FMN1: variants seen among roughly 807,000 people sequenced by gnomAD.
The protein encoded by FMN1 is formin-1.
A neutral mutation model predicts 132.4 loss-of-function variants in FMN1; 110 were observed. The observed-to-expected ratio is 0.83, with a 90% CI of 0.71 to 0.97. FMN1 has a LOEUF of 0.97. Ranked by LOEUF, FMN1 falls within the 50% of genes least tolerant of loss-of-function variation. The probability of loss-of-function intolerance (pLI) is 0.00; values close to 1 mark genes in which losing one functional copy is unlikely to be tolerated. For missense variants in FMN1, 1,792 were observed against 1,705.3 expected (o/e 1.05, Z -0.90); for synonymous variants, 722 against 651.7 (o/e 1.11, Z -1.64).
At chr15:33,179,453 G>A (rs1272941331) in intron 3 of FMN1, among the ~76,000 whole-genome samples, 6 of 152,110 alleles carry the variant, frequency 3.9e-5, no homozygotes, top group African/African-American at 1.4e-4. Flanking sequence ...GACTCAATCT[G>A]GGGGTACCTT....
At chr15:32,953,867 A>G (rs2140515594) in intron 9 of FMN1, among the ~76,000 whole-genome samples, 1 of 152,328 alleles carries the variant, frequency 6.6e-6, no homozygotes. Context: ...TTTGCAGTAT[A>G]TCCCATGCCG....
At chr15:32,961,835 C>A (rs2030591464) in intron 9 of FMN1, among the ~76,000 whole-genome samples, 1 of 152,180 alleles carries the variant, frequency 6.6e-6, no homozygotes, top group Non-Finnish European at 1.5e-5. Flanking sequence ...CAATGTGTGG[C>A]AGAGGTGTGA....
chr15:33,027,426 AG>A (rs888528916), intron 6 of FMN1, among the ~76,000 whole-genome samples: 4 of 152,236 alleles, frequency 2.6e-5, no homozygotes, highest in Non-Finnish European at 5.9e-5. Context: ...TGGCAACTCT[AG>A]GAACTCTTAA....
At chr15:32,886,846 G>A (rs562535532) in intron 16 of FMN1, among the ~76,000 whole-genome samples, 2 of 152,018 alleles carry the variant, frequency 1.3e-5, no homozygotes, top group East Asian at 3.9e-4. Context: ...AGCTTACTAC[G>A]CTTTATTACA....
At chr15:32,827,359 A>ATCACTT (rs1474774897) in intron 17 of FMN1, among the ~76,000 whole-genome samples, 1 of 152,192 alleles carries the variant, frequency 6.6e-6, no homozygotes, top group Non-Finnish European at 1.5e-5. Flanking sequence ...TTACATTCCC[A>ATCACTT]TCACTTTCAC....
At chr15:32,825,999 CAAT>C (rs565982563) in intron 17 of FMN1, among the ~76,000 whole-genome samples, 20 of 152,312 alleles carry the variant, frequency 1.3e-4, no homozygotes, top group Middle Eastern at 3.4e-3. Context: ...GGTCAAACAA[CAAT>C]GACACTGGTA....
intron 3 of FMN1, among the ~76,000 whole-genome samples, chr15:33,173,064 A>C (rs554501565): frequency 6.6e-6 from 1 of 151,836 alleles, no homozygotes; most frequent in South Asian, 2.1e-4. Context: ...AGAACCTCAT[A>C]ATAAAGTTGT....
At chr15:32,798,214 A>ACCCC (rs1391114692) in intron 19 of FMN1, among the ~76,000 whole-genome samples, 1 of 144,726 alleles carries the variant, frequency 6.9e-6, no homozygotes, top group African/African-American at 2.7e-5. Flanking sequence ...ACACACACAC[A>ACCCC]CACCCCGTCT....
At chr15:33,084,554 T>G (rs2038615008) in intron 5 of FMN1, among the ~76,000 whole-genome samples, 1 of 152,140 alleles carries the variant, frequency 6.6e-6, no homozygotes, top group South Asian at 2.1e-4. Flanking sequence ...TACAGGCAAT[T>G]GGGGAATTGC....
chr15:32,986,451 T>C (rs1311480892), intron 7 of FMN1, among the ~76,000 whole-genome samples: 1 of 152,174 alleles, frequency 6.6e-6, no homozygotes, highest in Admixed American at 6.6e-5. Flanking sequence ...TTTATTTGAA[T>C]TCACAAAGAT....
intron 9 of FMN1, among the ~76,000 whole-genome samples, chr15:32,928,113 C>G (rs1470480867): frequency 6.6e-6 from 1 of 151,950 alleles, no homozygotes; most frequent in African/African-American, 2.4e-5. Context: ...TTTACCTGTT[C>G]AGAATGGCTA....
intron 19 of FMN1, among the ~76,000 whole-genome samples, chr15:32,788,933 A>G (rs1195275954): frequency 6.6e-6 from 1 of 152,198 alleles, no homozygotes; most frequent in African/African-American, 2.4e-5. Context: ...CTCTTTAACA[A>G]AGCTATTAAG....
rs201609721 is a variant in FMN1 at position 33,066,998 on chromosome 15, G to A, written c.2044-1924C>T. 4.6e-5 allele frequency: 74 copies of A among 1,613,940 alleles called. No homozygotes were observed. Among genetic ancestry groups the A allele is most frequent in the Middle Eastern group, 3.3e-4 (2 of 6,062 alleles). On this transcript the variant is annotated intron_variant, in intron 5 of 20. Transcript: ENST00000616417. ...GTCCCCATCCTTTGGTTTAATTTCCGTGATGGTCTCTCCTCCCTCAGCGGT... is the reference window on the plus strand; with the variant it reads ...GTCCCCATCCTTTGGTTTAATTTCCATGATGGTCTCTCCTCCCTCAGCGGT...
At position 33,039,752 on chromosome 15, in the gene FMN1, A is replaced by T. The variant is rs922280301; in HGVS notation, c.2161+25205T>A. ...CCAAGAATATCTACTGATTTTTATT[A>T]TCTCTGATTCCATTACCACTCGGTG... On this transcript the variant is annotated intron_variant, in intron 6 of 20. Coordinates refer to ENST00000616417, the MANE Select transcript of FMN1 (RefSeq NM_001277313.2). Among the ~76,000 whole-genome samples, 5 of 126,754 alleles carry T rather than the reference A, an allele frequency of 3.9e-5. No homozygotes were observed. In the East Asian group the frequency reaches 1.0e-3, roughly 26 times the overall value. 83.2% of individuals were successfully genotyped at this position (126,754 alleles called of 152,430 possible). A position where few individuals can be genotyped will look rare whatever the true frequency, so the allele number is the denominator to read the frequency against.
At chr15:32,850,130 A>G (rs924977865) in intron 17 of FMN1, among the ~76,000 whole-genome samples, 1 of 152,216 alleles carries the variant, frequency 6.6e-6, no homozygotes, top group South Asian at 2.1e-4. Context: ...GGCAGAGTTC[A>G]TGTTCTCTAG....
In FMN1 at chr15:32,765,908, TC is replaced by T. The variant is rs1437750077; in HGVS notation, c.*8401del. 6.6e-6 allele frequency: 1 copy of T among 152,200 alleles called. No individual in the cohort carries two copies. Among genetic ancestry groups the T allele is most frequent in the African/African-American group, 2.4e-5 (1 of 41,458 alleles). The allele number at this position is 152,200 out of a possible 1,614,324, so 9.4% of individuals were successfully genotyped here. On this transcript the variant is annotated 3_prime_UTR_variant, in exon 21 of 21. Transcript: ENST00000616417. ...TTGGTTGCAAATGACATTTATAAAT[TC>T]AACTCATGAGCATTTCTCAGCTTTG...
chr15:33,012,799 A>G, intron 6 of FMN1: 1 of 681,250 alleles, frequency 1.5e-6, no homozygotes, highest in Non-Finnish European at 2.7e-6. Context: ...TGGTGGCTTT[A>G]GTGGCAGCTG....
In FMN1 at chr15:33,153,776, G is replaced by A. The variant is rs1046182009; in HGVS notation, c.1139C>T (p.Ala380Val). The A allele has an allele frequency of 2.0e-6, 3 of 1,536,208 alleles. No individual in the cohort carries two copies. Among genetic ancestry groups the A allele is most frequent in the African/African-American group, 2.7e-5 (2 of 73,052 alleles). The change falls in exon 4 of 21, where the codon GCT becomes GTT. Residue 380 changes from alanine to valine, a missense_variant. Ala to Val is a moderately conservative substitution (Grantham distance 64, BLOSUM62 0). Around this residue, in one of 3 missense-constraint regions of FMN1, gnomAD observed 638 missense variants for 645.2 expected, o/e 0.99. Transcript: ENST00000616417. ...CTTGCCCTGCCGCCTGGAGCCATGAGCCCCAGCCTCAGCTCCCGGGAGGGT... is the reference window on the plus strand; with the variant it reads ...CTTGCCCTGCCGCCTGGAGCCATGAACCCCAGCCTCAGCTCCCGGGAGGGT... ...LLTLPGAEAG[A>V]HGSRRQGKER...
intron 4 of FMN1, among the ~76,000 whole-genome samples, chr15:33,092,263 G>A (rs1035614394): frequency 1.3e-5 from 2 of 152,170 alleles, no homozygotes; most frequent in African/African-American, 4.8e-5. Flanking sequence ...CAGACAGAAT[G>A]CAAAGGTAAT....
Sources: allele counts gnomAD v4.1 joint callset (sites outside exome capture counted in the v4.1 genomes callset), GRCh38; gene constraint gnomAD v4.1.1; regional missense constraint gnomAD v4.1.1; transcripts MANE v1.5; gene names NCBI Gene and HGNC (gene_info 2026-07-23, HGNC 2026-07-21).